The following BTBD19 variants were observed in gnomAD, a reference collection of about 807,000 sequenced individuals.
BTBD19 encodes BTB/POZ domain-containing protein 19.
BTBD19 carries 20 observed loss-of-function variants against 36.1 expected under a neutral mutation model. The ratio of observed to expected loss-of-function variants is 0.55; its 90% CI spans 0.39 to 0.80. BTBD19 has a LOEUF of 0.80. Ranked by LOEUF, BTBD19 falls within the 30% of genes least tolerant of loss-of-function variation. The probability of loss-of-function intolerance (pLI) is 0.00; values close to 1 mark genes in which losing one functional copy is unlikely to be tolerated. For missense variants in BTBD19, 325 were observed against 389.8 expected (o/e 0.83, Z 1.40); for synonymous variants, 157 against 174.3 (o/e 0.90, Z 0.78).
chr1:44,810,363 T>G lies in BTBD19; in HGVS notation c.237T>G (p.Thr79=). ...CTGTGGTGCTAAGCACTGTGCCAAC[T>G]GAGGCCTTCCTGGCAGTGCTGGAGT... The change falls in exon 2 of 8, where the codon ACT becomes ACG. Residue 79 remains threonine, a synonymous_variant. Coordinates refer to ENST00000450269, the Ensembl canonical transcript of BTBD19. This position sits in a 1 kb window ranked among gnomAD's most constrained non-coding sequence, Gnocchi z 4.2. The G allele has an allele frequency of 6.4e-7, 1 of 1,551,762 alleles. No homozygotes were observed. Among genetic ancestry groups the G allele is most frequent in the Non-Finnish European group, 8.7e-7 (1 of 1,147,018 alleles).
At chr1:44,814,206 C>CTTTCTTTCTT (rs1553163563), downstream of BTBD19, 20 of 137,124 alleles carry the variant, frequency 1.5e-4, no homozygotes, top group African/African-American at 3.8e-4. Context: ...TTCTTTCTTT[C>CTTTCTTTCTT]TTTCTTTTTC....
At position 44,813,240 on chromosome 1, in the gene BTBD19, G is replaced by A. The variant is rs1254824820; in HGVS notation, c.586G>A (p.Ala196Thr). ...CGTGGACGAGGCTGAACTGGTCCGC[G>A]CGGCCCGAAGCTGGGCGCGCGTGGG... is the stretch of plus-strand genomic sequence containing the variant. Residue 196 changes from alanine to threonine, a missense_variant, in exon 6 of 8, where the codon GCG becomes ACG. By Grantham distance (58) the Ala-to-Thr change is moderately conservative. Coordinates refer to ENST00000450269, the Ensembl canonical transcript of BTBD19. The surrounding 1 kb of genome is among the most constrained non-coding windows in gnomAD (Gnocchi z 7.8). 1.3e-6 allele frequency: 2 copies of A among 1,538,976 alleles called. No individual in the cohort carries two copies. The highest frequency in any genetic ancestry group is 1.7e-6 in the Non-Finnish European group (2 of 1,143,622).
At chr1:44,812,004 A>ACCG (rs1388320365) in intron 3 of BTBD19, 35 bp from the exon 4 acceptor site, 107 of 1,295,740 alleles carry the variant, frequency 8.3e-5, no homozygotes, top group Non-Finnish European at 1.0e-4. Context: ...GAGCAGGGAC[A>ACCG]CCGCCACCCA....
rs1652356882 is a variant in BTBD19, at chr1:44,810,527, C to T, written c.301-27C>T. Reference sequence around the variant, plus strand: ...GGCACAGGGCAGGGGAAACTCCCTTCCACTCCCCCAACCACCCACTCTACA... The same window carrying T: ...GGCACAGGGCAGGGGAAACTCCCTTTCACTCCCCCAACCACCCACTCTACA... On this transcript the variant is annotated intron_variant, in intron 2 of 7. Transcript: ENST00000450269. The surrounding 1 kb of genome is among the most constrained non-coding windows in gnomAD (Gnocchi z 4.2). 6.4e-7 allele frequency: 1 copy of T among 1,550,642 alleles called. No individual in the cohort carries two copies. The highest frequency in any genetic ancestry group is 1.4e-5 in the African/African-American group (1 of 73,138).
Position 44,813,386 on chromosome 1 carries a change from C to T in BTBD19, c.628C>T (p.Arg210Trp). The T allele has an allele frequency of 1.3e-6, 2 of 1,547,472 alleles. No homozygotes were observed. The highest frequency in any genetic ancestry group is 1.7e-6 in the Non-Finnish European group (2 of 1,146,662). Residue 210 changes from arginine to tryptophan, a missense_variant, in exon 7 of 8, where the codon CGG becomes TGG. By Grantham distance (101) the Arg-to-Trp change is moderately radical. Coordinates refer to ENST00000450269, the Ensembl canonical transcript of BTBD19. The surrounding 1 kb of genome is among the most constrained non-coding windows in gnomAD (Gnocchi z 7.8). ...CTGGCGTTTGCAGGCGGTGCTGGAGCGGCCGGTGGCTGAGGTGGCGGCCCC... is the reference window on the plus strand; with the variant it reads ...CTGGCGTTTGCAGGCGGTGCTGGAGTGGCCGGTGGCTGAGGTGGCGGCCCC...
exon 8 of BTBD19, chr1:44,814,054 C>T (rs1157650954): frequency 1.7e-6 from 1 of 571,660 alleles, no homozygotes; most frequent in East Asian, 3.0e-5. Context: ...GACTCTACGC[C>T]CTGCCCCTGG....
rs1166457301 is a variant in BTBD19 at position 44,810,914 on chromosome 1, G to A, written c.354+307G>A. Among the ~76,000 whole-genome samples, 1 of 152,144 alleles carries A rather than the reference G, an allele frequency of 6.6e-6. No individual in the cohort carries two copies. The highest frequency in any genetic ancestry group is 1.5e-5 in the Non-Finnish European group (1 of 68,034). ...GACAGACACATGAAAATGCTTACCT[G>A]GGTGGCATAAGAAGTGTGATAGAGG... On this transcript the variant is annotated intron_variant, in intron 3 of 7. Coordinates refer to ENST00000450269, the Ensembl canonical transcript of BTBD19. The surrounding 1 kb of genome is among the most constrained non-coding windows in gnomAD (Gnocchi z 4.2).
At chr1:44,812,928 G>A in intron 4 of BTBD19, 68 bp from the exon 5 acceptor site, 1 of 1,406,698 alleles carries the variant, frequency 7.1e-7, no homozygotes, top group African/African-American at 1.4e-5. Flanking sequence ...GCAGTGGTGG[G>A]TCCCAGTGAG....
rs940672280 is a variant in BTBD19, at chr1:44,813,987, T to C, written c.*215T>C. The C allele has an allele frequency of 2.7e-5, 19 of 709,798 alleles. No homozygotes were observed. The highest frequency in any genetic ancestry group is 4.1e-5 in the Non-Finnish European group (18 of 436,262). 44.0% of individuals were successfully genotyped at this position (709,798 alleles called of 1,614,324 possible). On this transcript the variant is annotated 3_prime_UTR_variant, in exon 8 of 8. Transcript: ENST00000450269. The surrounding 1 kb of genome is among the most constrained non-coding windows in gnomAD (Gnocchi z 7.8). ...GGGTCGGGCCGGGCAGGGCTTGGGC[T>C]GGGCCTCCCTGAGGGGGTGAAACTC...
chr1:44,814,162 C>CTGTCTTTCTTTCTT (rs1557635355), downstream of BTBD19: 1 of 130,974 alleles, frequency 7.6e-6, no homozygotes, highest in Non-Finnish European at 1.5e-5. Context: ...TTCTTTCTTT[C>CTGTCTTTCTTTCTT]TTTCTTTCTT....
At chr1:44,811,726 T>G in intron 3 of BTBD19, 1 of 294,374 alleles carries the variant, frequency 3.4e-6, no homozygotes. Flanking sequence ...TATCCTTGAG[T>G]CAGGAAGGGA....
rs1415001553 is a variant in BTBD19, at chr1:44,813,180, G to A, written c.526G>A (p.Ala176Thr). ...AGGCTTCCTGGAGCTGTCGGCGGCCGCGCTGCTGCCCCTGCTCCGCAGCGA... is the reference window on the plus strand; with the variant it reads ...AGGCTTCCTGGAGCTGTCGGCGGCCACGCTGCTGCCCCTGCTCCGCAGCGA... Residue 176 changes from alanine (A) to threonine (T), a missense_variant, in exon 6 of 8, where the codon GCG (alanine) becomes ACG (threonine). Ala to Thr is a moderately conservative substitution (Grantham distance 58). Coordinates refer to ENST00000450269, the Ensembl canonical transcript of BTBD19. This position sits in a 1 kb window ranked among gnomAD's most constrained non-coding sequence, Gnocchi z 7.8. 1 of 1,546,942 alleles carries A rather than the reference G, an allele frequency of 6.5e-7. No homozygotes were observed.
rs1168297778 is a variant in BTBD19, at chr1:44,810,622, C to T, written c.354+15C>T. On this transcript the variant is annotated intron_variant, in intron 3 of 7. Coordinates refer to ENST00000450269, the Ensembl canonical transcript of BTBD19. This position sits in a 1 kb window ranked among gnomAD's most constrained non-coding sequence, Gnocchi z 4.2. ...AACTGAGAGAGGTGGGTTTTTGTGC[C>T]AGGTCCCTGTCTCATTTCCCTTGCT... 1 of 1,534,756 alleles carries T rather than the reference C, an allele frequency of 6.5e-7. No individual in the cohort carries two copies. The highest frequency in any genetic ancestry group is 2.0e-5 in the Admixed American group (1 of 49,680).
At position 44,813,898 on chromosome 1, in the gene BTBD19, C is replaced by T. The variant is rs988450326; in HGVS notation, c.*126C>T. ...CCAGCGTGCCCAGTGAGCCGGGCGC[C>T]GGAAGAACCGTTGTCTGCCACGCGC... On this transcript the variant is annotated 3_prime_UTR_variant, in exon 8 of 8. Transcript: ENST00000450269. This position sits in a 1 kb window ranked among gnomAD's most constrained non-coding sequence, Gnocchi z 7.8. The T allele has an allele frequency of 2.0e-5, 28 of 1,396,284 alleles. No homozygotes were observed. The highest frequency in any genetic ancestry group is 2.4e-5 in the Non-Finnish European group (25 of 1,021,480). 86.5% of individuals were successfully genotyped at this position (1,396,284 alleles called of 1,614,324 possible). A position where few individuals can be genotyped will look rare whatever the true frequency, so the allele number is the denominator to read the frequency against.
At chr1:44,808,627 C>A (rs1400534422) in exon 1 of BTBD19, 2 of 446,740 alleles carry the variant, frequency 4.5e-6, no homozygotes, top group South Asian at 7.9e-5. Flanking sequence ...TGTGTCTGTT[C>A]CTGTCCCCGA....
rs1240741574 is a variant in BTBD19 at position 44,813,762 on chromosome 1, C to T, written c.866C>T (p.Ser289Phe). 1.3e-6 allele frequency: 2 copies of T among 1,551,330 alleles called. No individual in the cohort carries two copies. The highest frequency in any genetic ancestry group is 1.4e-5 in the African/African-American group (1 of 73,030). ...GAGCATCACCGCTTTCTGGACCTGT[C>T]CTTCAAATGATCCAACGCCGGGACT... Residue 289 changes from serine (S) to phenylalanine (F), a missense_variant, in exon 8 of 8, where the codon TCC becomes TTC. Coordinates refer to ENST00000450269, the Ensembl canonical transcript of BTBD19. This position sits in a 1 kb window ranked among gnomAD's most constrained non-coding sequence, Gnocchi z 7.8.
Position 44,810,649 on chromosome 1 carries a change from C to T in BTBD19, c.354+42C>T. ...GGTCCCTGTCTCATTTCCCTTGCTT[C>T]TCACGGGCTCACTTCCCGCCCTGCC... On this transcript the variant is annotated intron_variant, in intron 3 of 7. Transcript: ENST00000450269. This position sits in a 1 kb window ranked among gnomAD's most constrained non-coding sequence, Gnocchi z 4.2. 2.7e-6 allele frequency: 4 copies of T among 1,493,128 alleles called. No individual in the cohort carries two copies. The highest frequency in any genetic ancestry group is 3.6e-6 in the Non-Finnish European group (4 of 1,113,408). The allele number at this position is 1,493,128 out of a possible 1,614,324, so 92.5% of individuals were successfully genotyped here. A position where few individuals can be genotyped will look rare whatever the true frequency, so the allele number is the denominator to read the frequency against.
chr1:44,813,507 C>G lies in BTBD19; in HGVS notation c.741+8C>G. 9 of 1,549,850 alleles carry G rather than the reference C, an allele frequency of 5.8e-6. No individual in the cohort carries two copies. The highest frequency in any genetic ancestry group is 7.9e-6 in the Non-Finnish European group (9 of 1,145,978). On this transcript the variant is annotated splice_region_variant and intron_variant, in intron 7 of 7. Coordinates refer to ENST00000450269, the Ensembl canonical transcript of BTBD19. The surrounding 1 kb of genome is among the most constrained non-coding windows in gnomAD (Gnocchi z 7.8). ...CAGGAACCACTCATCCCGGTGGGGA[C>G]GCGGGGAACCGGCCCAGCTCCACTC...
chr1:44,812,951 C>A lies in BTBD19; in HGVS notation c.415-45C>A, dbSNP rs752889969. 2.0e-6 allele frequency: 3 copies of A among 1,488,332 alleles called. No individual in the cohort carries two copies. The South Asian group carries it at 3.8e-5, about 19-fold the overall frequency. The allele number at this position is 1,488,332 out of a possible 1,614,324, so 92.2% of individuals were successfully genotyped here. On this transcript the variant is annotated intron_variant, in intron 4 of 7. Transcript: ENST00000450269. ...GGGTCCCAGTGAGCAGGCTGGGCTA[C>A]GGCCTCTCCAGTCTCCAACCTGATC...
Sources: gnomAD v4.1 joint callset for allele counts (sites outside exome capture counted in the v4.1 genomes callset) on GRCh38, gnomAD v4.1.1 for gene constraint, Gnocchi (gnomAD v3.1) non-coding constraint, MANE v1.5 for transcripts, NCBI Gene and HGNC (gene_info 2026-07-23, HGNC 2026-07-21) for gene names.